HDAC9: variants seen among roughly 807,000 people sequenced by gnomAD.
HDAC9 encodes MEF-2 interacting transcription repressor (MITR) protein.
Under a neutral mutation model 139.4 loss-of-function variants are expected in HDAC9, and 41 were observed. The ratio of observed to expected loss-of-function variants is 0.29; its 90% CI spans 0.23 to 0.38. The LOEUF (loss-of-function observed/expected upper bound fraction) is 0.38. HDAC9 is among the 10% of genes least tolerant of loss of function. HDAC9 has a pLI of 1.00. For missense variants in HDAC9, 1,147 were observed against 1,297.0 expected, an observed-to-expected ratio of 0.88 and a Z score of 1.78; for synonymous variants, 517 against 476.2, an observed-to-expected ratio of 1.09 and a Z score of -1.12.
intron 1 of HDAC9, among the ~76,000 whole-genome samples, chr7:18,138,563 T>TGTGTGTGC (rs895058145): frequency 7.0e-6 from 1 of 143,520 alleles, no homozygotes; most frequent in East Asian, 2.0e-4. Context: ...TGTGTGTGTG[T>TGTGTGTGC]GCACATGCTC....
chr7:18,719,294 C>CCTCAATGA (rs1007337855), intron 12 of HDAC9, among the ~76,000 whole-genome samples: 15 of 147,808 alleles, frequency 1.0e-4, no homozygotes, highest in African/African-American at 3.0e-4. Context: ...CATTTTTTAA[C>CCTCAATGA]CTCAATGAAG....
chr7:18,907,280 G>A (rs900685047), intron 22 of HDAC9, among the ~76,000 whole-genome samples: 1 of 152,168 alleles, frequency 6.6e-6, no homozygotes, highest in African/African-American at 2.4e-5. Context: ...ATGGAATTCT[G>A]TGATTTGAAA....
intron 6 of HDAC9, among the ~76,000 whole-genome samples, chr7:18,611,379 T>C (rs951228721): frequency 1.3e-5 from 2 of 152,176 alleles, no homozygotes; most frequent in African/African-American, 2.4e-5. Flanking sequence ...AACAGACTTA[T>C]ATAGTAGAAT....
intron 2 of HDAC9, among the ~76,000 whole-genome samples, chr7:18,257,254 TGCTTGAGCTCAGGAGGAGGATC>T (rs200561673): frequency 6.9e-5 from 4 of 57,812 alleles, no homozygotes; most frequent in Non-Finnish European, 2.2e-4. Flanking sequence ...GTGGGTGGAT[TGCTTGAGCTCAGGAGGAGGATC>T]GCTTGAGCTC....
At chr7:18,114,107 C>A (rs1005513960) in intron 1 of HDAC9, among the ~76,000 whole-genome samples, 1 of 152,044 alleles carries the variant, frequency 6.6e-6, no homozygotes, top group Non-Finnish European at 1.5e-5. Context: ...CTGTTGTAGC[C>A]CACTCAGACA....
chr7:18,919,372 G>A (rs1335252386), intron 22 of HDAC9, among the ~76,000 whole-genome samples: 1 of 151,970 alleles, frequency 6.6e-6, no homozygotes, highest in African/African-American at 2.4e-5. Flanking sequence ...TATTTTGTGA[G>A]AGCCAGGACA....
chr7:18,336,993 CAT>C (rs1781633343), intron 1 of HDAC9, among the ~76,000 whole-genome samples: 1 of 151,480 alleles, frequency 6.6e-6, no homozygotes, highest in African/African-American at 2.4e-5. Context: ...TGCCTAGAAA[CAT>C]AATTTTTAAT....
chr7:18,878,918 T>A (rs1211576830), intron 22 of HDAC9, among the ~76,000 whole-genome samples: 1 of 152,192 alleles, frequency 6.6e-6, no homozygotes, highest in Non-Finnish European at 1.5e-5. Context: ...CCCCACAGTC[T>A]TGGCCCAAAA....
chr7:18,395,920 T>G (rs1331272208), intron 1 of HDAC9, among the ~76,000 whole-genome samples: 5 of 152,122 alleles, frequency 3.3e-5, no homozygotes, highest in African/African-American at 1.2e-4. Context: ...AGCCTATATA[T>G]TGGCCTAGTA....
upstream of HDAC9, among the ~76,000 whole-genome samples, chr7:18,493,379 A>C (rs966073066): frequency 6.6e-6 from 1 of 151,956 alleles, no homozygotes; most frequent in Non-Finnish European, 1.5e-5. Flanking sequence ...AATATCTCAG[A>C]TAATGATTTG....
At chr7:18,120,578 G>T (rs943567697) in intron 1 of HDAC9, among the ~76,000 whole-genome samples, 4 of 151,896 alleles carry the variant, frequency 2.6e-5, no homozygotes, top group Admixed American at 2.6e-4. Context: ...TTTACCAGAA[G>T]TTTGTAGTAG....
chr7:18,432,348 C>T (rs1226291807), intron 1 of HDAC9, among the ~76,000 whole-genome samples: 10 of 152,198 alleles, frequency 6.6e-5, no homozygotes, highest in Non-Finnish European at 1.5e-4. Flanking sequence ...ATTGTGAACT[C>T]TTATGAGGAC....
At chr7:18,745,531 CTTTTTTTT>C (rs565092002) in intron 13 of HDAC9, among the ~76,000 whole-genome samples, 1 of 90,486 alleles carries the variant, frequency 1.1e-5, no homozygotes, top group South Asian at 4.2e-4. Flanking sequence ...ACTCTCTACT[CTTTTTTTT>C]TTTTTTTTTT....
At chr7:18,109,478 C>T (rs1292513391) in intron 1 of HDAC9, among the ~76,000 whole-genome samples, 1 of 152,066 alleles carries the variant, frequency 6.6e-6, no homozygotes, top group African/African-American at 2.4e-5. Context: ...CCCACAACAT[C>T]TGCAAGAAAA....
At chr7:18,853,036 G>T (rs1286205405) in intron 21 of HDAC9, among the ~76,000 whole-genome samples, 1 of 152,126 alleles carries the variant, frequency 6.6e-6, no homozygotes, top group Non-Finnish European at 1.5e-5. Flanking sequence ...TTGGTGTGAA[G>T]GGTCTTCACC....
At chr7:18,855,474 G>A (rs1287560748) in intron 21 of HDAC9, among the ~76,000 whole-genome samples, 3 of 151,760 alleles carry the variant, frequency 2.0e-5, no homozygotes, top group East Asian at 2.0e-4. Flanking sequence ...AGAGTCTTTT[G>A]CTTTAAGTCT....
chr7:18,646,300 GA>G (rs772980124), intron 9 of HDAC9, among the ~76,000 whole-genome samples: 3 of 152,044 alleles, frequency 2.0e-5, no homozygotes, highest in Non-Finnish European at 4.4e-5. Context: ...TGTGGTCAGG[GA>G]AAATTTTTTC....
At chr7:18,931,156 T>G (rs1436393614) in intron 22 of HDAC9, among the ~76,000 whole-genome samples, 1 of 152,168 alleles carries the variant, frequency 6.6e-6, no homozygotes, top group East Asian at 1.9e-4. Flanking sequence ...ACCTATTAGG[T>G]TTTTTACATA....
chr7:18,819,829 A>G (rs1171636149), intron 17 of HDAC9, among the ~76,000 whole-genome samples: 2 of 152,252 alleles, frequency 1.3e-5, no homozygotes, highest in Non-Finnish European at 2.9e-5. Flanking sequence ...TCAGTTTATT[A>G]AAATAAAATC....
Sources: allele counts gnomAD v4.1 joint callset (sites outside exome capture counted in the v4.1 genomes callset), GRCh38; gene constraint gnomAD v4.1.1; transcripts MANE v1.5; gene names NCBI Gene and HGNC (gene_info 2026-07-23, HGNC 2026-07-21).